The following VPS35L variants were observed in gnomAD, a reference collection of about 807,000 sequenced individuals.
The protein encoded by VPS35L is VPS35 endosomal protein sorting factor like, also known as VPS35 endosomal protein-sorting factor-like.
In VPS35L, 83 loss-of-function variants were observed where a neutral mutation model predicts 133.0. The ratio of observed to expected loss-of-function variants is 0.62; its 90% CI spans 0.52 to 0.75. VPS35L has a LOEUF of 0.75. Among genes scored for constraint, VPS35L ranks in the 30% least tolerant of loss-of-function variants. The pLI is 0.00. For missense variants in VPS35L, 1,083 were observed against 1,206.8 expected, an observed-to-expected ratio of 0.90 and a Z score of 1.52; for synonymous variants, 423 against 449.9, an observed-to-expected ratio of 0.94 and a Z score of 0.76.
At chr16:19,647,491 C>T (rs1379094005) in intron 23 of VPS35L, among the ~76,000 whole-genome samples, 1 of 152,174 alleles carries the variant, frequency 6.6e-6, no homozygotes, top group South Asian at 2.1e-4. Flanking sequence ...GTGACTGTTA[C>T]GATGGCAAAC....
intron 26 of VPS35L, among the ~76,000 whole-genome samples, chr16:19,657,343 ACTTT>A (rs200785935): frequency 1.3e-5 from 2 of 151,716 alleles, no homozygotes; most frequent in Admixed American, 1.3e-4. Flanking sequence ...TTTAGAACTT[ACTTT>A]CTTTTATTTT....
intron 11 of VPS35L, 134 bp from the exon 12 acceptor site, chr16:19,610,188 C>T: frequency 4.5e-6 from 3 of 666,468 alleles, no homozygotes; most frequent in Admixed American, 2.6e-5. Context: ...GAAACTTTGA[C>T]CTTGGTTTGT....
chr16:19,613,869 T>C (rs1235746028), intron 12 of VPS35L, among the ~76,000 whole-genome samples: 2 of 151,890 alleles, frequency 1.3e-5, no homozygotes, highest in Non-Finnish European at 2.9e-5. Flanking sequence ...ATACCAGCAA[T>C]GGGGGGGATG....
chr16:19,700,561 T>A lies in VPS35L; in HGVS notation c.*85T>A. The stretch of plus-strand genomic sequence containing the variant: ...GCTGCCCTGAACTCTTACGGCAATT[T>A]AGGTTTCTCATTTTTCTTTTCTTTT... On this transcript the variant is annotated 3_prime_UTR_variant, in exon 31 of 31. Transcript: ENST00000417362. 1 of 1,157,936 alleles carries A rather than the reference T, an allele frequency of 8.6e-7. No homozygotes were observed. 71.7% of individuals were successfully genotyped at this position (1,157,936 alleles called of 1,614,324 possible). A position where few individuals can be genotyped will look rare whatever the true frequency, so the allele number is the denominator to read the frequency against.
At position 19,633,265 on chromosome 16, in the gene VPS35L, C is replaced by T. The variant is rs891921239; in HGVS notation, c.1635+93C>T. 2 of 1,124,822 alleles carry T rather than the reference C, an allele frequency of 1.8e-6. No homozygotes were observed. The highest frequency in any genetic ancestry group is 1.5e-5 in the African/African-American group (1 of 65,680). The allele number at this position is 1,124,822 out of a possible 1,614,324, so 69.7% of individuals were successfully genotyped here. On this transcript the variant is annotated intron_variant, in intron 19 of 30. Transcript: ENST00000417362. The surrounding 1 kb of genome is among the most constrained non-coding windows in gnomAD (Gnocchi z 4.1). Reference sequence around the variant, plus strand: ...TTGTATGGGTCAGGCTATAAAGGCACATAATCCTGTGTTTGAATCATAGCT... The same window carrying T: ...TTGTATGGGTCAGGCTATAAAGGCATATAATCCTGTGTTTGAATCATAGCT...
intron 5 of VPS35L, chr16:19,578,753 C>T (rs1971615761): frequency 2.5e-6 from 1 of 397,166 alleles, no homozygotes; most frequent in Admixed American, 3.9e-5. Flanking sequence ...CTTATCTGGA[C>T]TGCCTTTCTT....
intron 19 of VPS35L, among the ~76,000 whole-genome samples, chr16:19,634,358 C>G (rs28847111): frequency 0.49 from 74,067 of 149,746 alleles, 20,828 homozygotes; most frequent in African/African-American, 0.78. Flanking sequence ...AATCACCTTA[C>G]CCTTGGAGGC....
At chr16:19,686,805 C>T (rs1975477290) in intron 28 of VPS35L, among the ~76,000 whole-genome samples, 1 of 152,132 alleles carries the variant, frequency 6.6e-6, no homozygotes, top group African/African-American at 2.4e-5. Flanking sequence ...CCTTTTCCCA[C>T]TTCTGCTAGC....
intron 1 of VPS35L, among the ~76,000 whole-genome samples, chr16:19,556,810 G>GA (rs1555494268): frequency 1.4e-5 from 2 of 142,880 alleles, no homozygotes; most frequent in Non-Finnish European, 3.0e-5. Context: ...ACACCCTGAG[G>GA]TTTTTTTTTT....
At chr16:19,697,915 G>A (rs1975973069) in intron 29 of VPS35L, among the ~76,000 whole-genome samples, 1 of 152,212 alleles carries the variant, frequency 6.6e-6, no homozygotes, top group Admixed American at 6.5e-5. Flanking sequence ...TGTGGTCCTT[G>A]GGCAAGTTCC....
rs767607390 is a variant in VPS35L at position 19,628,771 on chromosome 16, TTTTATTTTTA to T, written c.1500+26_1500+35del. The T allele has an allele frequency of 7.9e-6, 8 of 1,016,808 alleles. No homozygotes were observed. In the African/African-American group the frequency reaches 1.2e-4, roughly 15 times the overall value. 63.0% of individuals were successfully genotyped at this position (1,016,808 alleles called of 1,614,324 possible). A position where few individuals can be genotyped will look rare whatever the true frequency, so the allele number is the denominator to read the frequency against. Reference sequence around the variant, plus strand: ...ACCCACAGGTGAGTGGCCATTTTATTTTTATTTTTATTTATTTATTTATTTATTTATTTAT... The same window carrying T: ...ACCCACAGGTGAGTGGCCATTTTATTTTTATTTATTTATTTATTTATTTAT... On this transcript the variant is annotated intron_variant, in intron 17 of 30. Transcript: ENST00000417362.
intron 5 of VPS35L, among the ~76,000 whole-genome samples, chr16:19,577,273 G>A (rs559401341): frequency 1.3e-5 from 2 of 152,328 alleles, no homozygotes; most frequent in African/African-American, 4.8e-5. Flanking sequence ...GAGCAGGTGT[G>A]TGCAGAGATT....
At position 19,642,470 on chromosome 16, in the gene VPS35L, CTG is replaced by C; in HGVS notation, c.1862_1863del (p.Val621GlufsTer6). ...CATGTTTGCAAGACCATGCATGACT[CTG>C]TGAAGTAAGCCATGCTTACAGCTGA... On this transcript the variant is annotated frameshift_variant, in exon 22 of 31. Transcript: ENST00000417362. LOFTEE classifies it high-confidence loss of function. 6.2e-7 allele frequency: 1 copy of C among 1,611,586 alleles called. No individual in the cohort carries two copies. The highest frequency in any genetic ancestry group is 8.5e-7 in the Non-Finnish European group (1 of 1,178,092).
intron 25 of VPS35L, 103 bp from the exon 26 acceptor site, chr16:19,651,873 C>T (rs1372989493): frequency 1.4e-5 from 12 of 846,566 alleles, no homozygotes; most frequent in Non-Finnish European, 2.3e-5. Context: ...TGGAGATTCA[C>T]TGTTGTAAGT....
intron 28 of VPS35L, among the ~76,000 whole-genome samples, 162 bp from the exon 29 acceptor site, chr16:19,691,191 C>T (rs1487284794): frequency 1.3e-5 from 2 of 152,170 alleles, no homozygotes; most frequent in Admixed American, 6.5e-5. Context: ...TTTGTGATTC[C>T]CAAGGCCCCA....
At chr16:19,666,729 C>A (rs1422307588) in intron 26 of VPS35L, among the ~76,000 whole-genome samples, 1 of 152,070 alleles carries the variant, frequency 6.6e-6, no homozygotes, top group Admixed American at 6.6e-5. Context: ...TTTCAAGTTG[C>A]TCTGAGCAGA....
At chr16:19,698,145 G>T (rs1975980436) in intron 29 of VPS35L, among the ~76,000 whole-genome samples, 1 of 152,190 alleles carries the variant, frequency 6.6e-6, no homozygotes, top group African/African-American at 2.4e-5. Context: ...CTCTTATCAG[G>T]AGGCACTGGA....
At chr16:19,659,052 G>A (rs908222701) in intron 26 of VPS35L, among the ~76,000 whole-genome samples, 1 of 152,076 alleles carries the variant, frequency 6.6e-6, no homozygotes. Flanking sequence ...CATAACATAG[G>A]GTTGTATTTC....
rs540877256 is a variant in VPS35L at position 19,633,961 on chromosome 16, C to T, written c.1635+789C>T. ...CAGGGTGGTCTCGATGTCCTGACTT[C>T]GTGATCCACCCGCCTCAGCCTCCCA... On this transcript the variant is annotated intron_variant, in intron 19 of 30. Transcript: ENST00000417362. The surrounding 1 kb of genome is among the most constrained non-coding windows in gnomAD (Gnocchi z 4.1). Among the ~76,000 whole-genome samples, 14 of 151,996 alleles carry T rather than the reference C, an allele frequency of 9.2e-5. 1 individual carries two copies. In the South Asian group the frequency reaches 2.9e-3, roughly 32 times the overall value.
Sources: gnomAD v4.1 joint callset for allele counts (sites outside exome capture counted in the v4.1 genomes callset) on GRCh38, gnomAD v4.1.1 for gene constraint, Gnocchi (gnomAD v3.1) non-coding constraint, MANE v1.5 for transcripts, NCBI Gene and HGNC (gene_info 2026-07-23, HGNC 2026-07-21) for gene names.